The following ZNF208 variants were observed in gnomAD, a reference collection of about 807,000 sequenced individuals.
The protein encoded by ZNF208 is zinc finger protein 95.
A neutral mutation model predicts 12.1 loss-of-function variants in ZNF208; 10 were observed. The ratio of observed to expected loss-of-function variants is 0.83; its 90% CI spans 0.51 to 1.40. The LOEUF (loss-of-function observed/expected upper bound fraction) is 1.40. ZNF208 is among the 40% of genes most tolerant of loss of function. The pLI, the probability that ZNF208 is intolerant of heterozygous loss-of-function variation, is 0.00. For synonymous variants in ZNF208, 497 were observed against 488.4 expected, an observed-to-expected ratio of 1.02 and a Z score of -0.23; for missense variants, 1,652 against 1,485.0, an observed-to-expected ratio of 1.11 and a Z score of -1.85.
chr19:22,002,861 A>C (rs1445908236), intron 1 of ZNF208, among the ~76,000 whole-genome samples: 1 of 152,240 alleles, frequency 6.6e-6, no homozygotes, highest in East Asian at 1.9e-4. Context: ...TAAAATTCAC[A>C]TGGAACCAAA....
Position 21,971,291 on chromosome 19 carries a change from G to GT in ZNF208, c.3742dup (p.Thr1248AsnfsTer9), listed in dbSNP as rs752694053. The GT allele has an allele frequency of 6.2e-7, 1 of 1,611,940 alleles. No individual in the cohort carries two copies. On this transcript the variant is annotated frameshift_variant, in exon 4 of 4. Coordinates refer to ENST00000397126, the MANE Select transcript of ZNF208 (RefSeq NM_007153.3). LOFTEE classifies it low-confidence loss of function (END_TRUNC). ...TTCACATTTGTAGGGTTTCTCTCCA[G>GT]TATGAATTACCTTATGTTTAGTGAG...
rs553919553 is a variant in ZNF208, at chr19:21,957,484, T to A, written c.305+17245A>T. Among the ~76,000 whole-genome samples the A allele has an allele frequency of 1.1e-4, 16 of 152,252 alleles. No individual in the cohort carries two copies. The East Asian group carries it at 3.1e-3, about 29-fold the overall frequency. On this transcript the variant is annotated intron_variant, in intron 4 of 4. Transcript: ENST00000599916. ...CAGCCTCTTGGGAAAGCTGGTCTCATACCTTGTCTACACAGTCCTCATACA... is the reference window on the plus strand; with the variant it reads ...CAGCCTCTTGGGAAAGCTGGTCTCAAACCTTGTCTACACAGTCCTCATACA...
At chr19:21,964,171 G>C (rs1970124271), downstream of ZNF208, among the ~76,000 whole-genome samples, 1 of 151,802 alleles carries the variant, frequency 6.6e-6, no homozygotes, top group African/African-American at 2.4e-5. Context: ...AGTGAAGTAA[G>C]ATTTAAGATA....
intron 3 of ZNF208, among the ~76,000 whole-genome samples, chr19:21,978,988 A>G (rs1970485551): frequency 1.3e-5 from 2 of 152,232 alleles, no homozygotes; most frequent in African/African-American, 4.8e-5. Flanking sequence ...GAGACTGAAG[A>G]TTAACTTAAT....
chr19:21,958,922 C>A (rs1354635873), intron 4 of ZNF208, among the ~76,000 whole-genome samples: 1 of 151,916 alleles, frequency 6.6e-6, no homozygotes, highest in African/African-American at 2.4e-5. Context: ...GCCTCATAAC[C>A]ACTTACCTAC....
Position 21,973,790 on chromosome 19 carries a change from T to G in ZNF208, c.1244A>C (p.His415Pro). ...GFSMFSILTK[H>P]EVIHTGEKPY... ...TTTCTCTCCAGTATGAATGACCTCA[T>G]GTTTAGTAAGGATTGAGAACATACT... Residue 415 changes from histidine to proline, a missense_variant, in exon 4 of 4, where the codon CAT becomes CCT. This residue lies in a region of ZNF208 where 1,239 missense variants were observed against 1,086.2 expected (regional missense o/e 1.14). Transcript: ENST00000397126. The G allele has an allele frequency of 6.2e-7, 1 of 1,606,168 alleles. No individual in the cohort carries two copies. Among genetic ancestry groups the G allele is most frequent in the South Asian group, 1.1e-5 (1 of 90,750 alleles).
intron 4 of ZNF208, chr19:21,940,706 C>G (rs116231349): frequency 4.6e-5 from 7 of 152,312 alleles, no homozygotes; most frequent in African/African-American, 1.7e-4. Context: ...GGGGTGCGGC[C>G]GTGCGCTGGG....
At chr19:21,963,489 C>A (rs574282930), downstream of ZNF208, among the ~76,000 whole-genome samples, 1 of 151,944 alleles carries the variant, frequency 6.6e-6, no homozygotes, top group Non-Finnish European at 1.5e-5. Flanking sequence ...TTTTAGTATT[C>A]GCTCTGAGTC....
At chr19:21,999,354 T>C (rs760033601) in intron 1 of ZNF208, among the ~76,000 whole-genome samples, 2 of 152,114 alleles carry the variant, frequency 1.3e-5, no homozygotes, top group Non-Finnish European at 2.9e-5. Context: ...TTGTAGAAAA[T>C]ACTGTTTATA....
intron 1 of ZNF208, among the ~76,000 whole-genome samples, chr19:22,008,903 G>A (rs1015005349): frequency 6.6e-6 from 1 of 152,112 alleles, no homozygotes; most frequent in African/African-American, 2.4e-5. Context: ...TGTCTTATGG[G>A]AGAAAATGAC....
At chr19:22,004,958 C>A (rs2359815) in intron 1 of ZNF208, among the ~76,000 whole-genome samples, 93,798 of 151,994 alleles carry the variant, frequency 0.62, 29,515 homozygotes, top group African/African-American at 0.72. Context: ...GGAGAGAGTG[C>A]AATGCAGGTG....
chr19:21,985,032 A>G (rs1427468979), intron 3 of ZNF208, among the ~76,000 whole-genome samples: 1 of 150,438 alleles, frequency 6.6e-6, no homozygotes, highest in Admixed American at 6.7e-5. Context: ...TTCAGTAAAT[A>G]TAATCTGAAA....
intron 1 of ZNF208, chr19:21,991,332 T>C (rs1245426416): frequency 6.8e-6 from 1 of 146,818 alleles, no homozygotes; most frequent in Admixed American, 6.7e-5. Context: ...TAAAAGAAAG[T>C]GGTATAAGAT....
chr19:21,978,906 ACAC>A (rs1046990209), intron 3 of ZNF208, among the ~76,000 whole-genome samples: 10 of 152,262 alleles, frequency 6.6e-5, no homozygotes, highest in African/African-American at 2.4e-4. Context: ...GATGAAAAAC[ACAC>A]CACGAGAACT....
chr19:21,964,094 T>C (rs1023923785), downstream of ZNF208, among the ~76,000 whole-genome samples: 11 of 152,076 alleles, frequency 7.2e-5, no homozygotes, highest in South Asian at 4.1e-4. Context: ...TCACACTGTA[T>C]GCCATAAATA....
chr19:21,996,804 G>C (rs752635225), intron 1 of ZNF208, among the ~76,000 whole-genome samples: 1 of 152,184 alleles, frequency 6.6e-6, no homozygotes, highest in Non-Finnish European at 1.5e-5. Context: ...ACAAGTCATT[G>C]AAAGAGGTAA....
chr19:21,983,688 T>A (rs1970584936), intron 3 of ZNF208, among the ~76,000 whole-genome samples: 1 of 152,132 alleles, frequency 6.6e-6, no homozygotes. Context: ...AAAAATGAGT[T>A]CATGTCCTTT....
chr19:21,950,865 C>A (rs1969878013), intron 4 of ZNF208, among the ~76,000 whole-genome samples: 1 of 152,126 alleles, frequency 6.6e-6, no homozygotes, highest in Admixed American at 6.6e-5. Context: ...AACAAAAAAT[C>A]TTATAGTTAC....
chr19:21,955,434 G>A (rs1236180336), intron 4 of ZNF208, among the ~76,000 whole-genome samples: 1 of 152,194 alleles, frequency 6.6e-6, no homozygotes, highest in Non-Finnish European at 1.5e-5. Flanking sequence ...TTCCAACTTG[G>A]TTCCATTCTC....
Sources: allele counts gnomAD v4.1 joint callset (sites outside exome capture counted in the v4.1 genomes callset), GRCh38; gene constraint gnomAD v4.1.1; regional missense constraint gnomAD v4.1.1; transcripts MANE v1.5; gene names NCBI Gene and HGNC (gene_info 2026-07-23, HGNC 2026-07-21).